MYRIP: variants seen among roughly 807,000 people sequenced by gnomAD.
MYRIP encodes the protein rab effector MyRIP.
In MYRIP, 49 loss-of-function variants were observed where a neutral mutation model predicts 98.0. That is an observed-to-expected ratio of 0.50 (90% CI 0.40 to 0.63). MYRIP has a LOEUF of 0.63. Among genes scored for constraint, MYRIP ranks in the 30% least tolerant of loss-of-function variants. The pLI is 0.00. For missense variants in MYRIP, 1,004 were observed against 1,058.2 expected, an observed-to-expected ratio of 0.95 and a Z score of 0.71; for synonymous variants, 404 against 409.5, an observed-to-expected ratio of 0.99 and a Z score of 0.16.
intron 3 of MYRIP, among the ~76,000 whole-genome samples, chr3:40,133,859 T>C (rs1331103058): frequency 6.6e-6 from 1 of 152,156 alleles, no homozygotes; most frequent in Non-Finnish European, 1.5e-5. Context: ...ATTCGACAAC[T>C]CTCATGGGCC....
chr3:40,071,782 A>T (rs1948237058), intron 3 of MYRIP, among the ~76,000 whole-genome samples: 1 of 152,216 alleles, frequency 6.6e-6, no homozygotes, highest in Admixed American at 6.5e-5. Context: ...GACATATAAA[A>T]GAGTTGTCTC....
At chr3:40,067,875 T>C (rs1948154012) in intron 3 of MYRIP, among the ~76,000 whole-genome samples, 1 of 152,212 alleles carries the variant, frequency 6.6e-6, no homozygotes, top group Non-Finnish European at 1.5e-5. Context: ...CTACGTGTTA[T>C]CATCCATATA....
chr3:40,209,782 G>C, intron 10 of MYRIP, 72 bp from the exon 11 acceptor site: 1 of 1,586,392 alleles, frequency 6.3e-7, no homozygotes, highest in Non-Finnish European at 8.6e-7. Flanking sequence ...TTTACTCAGG[G>C]GTTATTGGGA....
Position 40,071,385 on chromosome 3 carries a change from T to C in MYRIP, c.332+27114T>C, listed in dbSNP as rs117765393. ...GAGCTGAAAATGGGAGATGAGGAAA[T>C]GCAGTCTATCCTGATGGCTCTTCTC... On this transcript the variant is annotated intron_variant, in intron 3 of 16. Transcript: ENST00000302541. Among the ~76,000 whole-genome samples, 192 of 152,234 alleles carry C rather than the reference T, an allele frequency of 1.3e-3. 4 individuals carry two copies. In the East Asian group the frequency reaches 0.036, roughly 28 times the overall value.
chr3:40,036,536 A>C (rs1219372353), intron 2 of MYRIP, among the ~76,000 whole-genome samples: 5 of 152,074 alleles, frequency 3.3e-5, no homozygotes, highest in Non-Finnish European at 7.4e-5. Context: ...CTCTACAAAA[A>C]TCAATTTAAA....
At chr3:39,859,767 A>G (rs1167688168) in intron 1 of MYRIP, among the ~76,000 whole-genome samples, 4 of 152,266 alleles carry the variant, frequency 2.6e-5, no homozygotes, top group African/African-American at 9.6e-5. Flanking sequence ...ATGAAGAATC[A>G]TAAGATTATA....
At chr3:40,183,213 T>C (rs1950938524) in intron 9 of MYRIP, among the ~76,000 whole-genome samples, 1 of 152,118 alleles carries the variant, frequency 6.6e-6, no homozygotes, top group South Asian at 2.1e-4. Flanking sequence ...CCCGGAGAAA[T>C]GGCATCCTGG....
Position 39,933,194 on chromosome 3 carries a change from A to C in MYRIP, c.110+32268A>C, listed in dbSNP as rs188021968. Among the ~76,000 whole-genome samples, 3 of 152,322 alleles carry C rather than the reference A, an allele frequency of 2.0e-5. No individual in the cohort carries two copies. In the East Asian group the frequency reaches 5.8e-4, roughly 29 times the overall value. On this transcript the variant is annotated intron_variant, in intron 2 of 16. Transcript: ENST00000302541. ...TGACAAGATACATACTCATGGGCCA[A>C]ATCTGGACTACCACCTGTTTTTGTA... is the stretch of plus-strand genomic sequence containing the variant.
chr3:39,851,415 A>G (rs944215091), intron 1 of MYRIP, among the ~76,000 whole-genome samples: 11 of 151,852 alleles, frequency 7.2e-5, no homozygotes, highest in Non-Finnish European at 5.9e-5. Flanking sequence ...GGAAGTCACA[A>G]CTCCTGCTCC....
At chr3:40,026,951 G>T (rs1947144697) in intron 2 of MYRIP, among the ~76,000 whole-genome samples, 1 of 152,010 alleles carries the variant, frequency 6.6e-6, no homozygotes, top group Admixed American at 6.6e-5. Flanking sequence ...CCCCCTGGCT[G>T]CCCCATCCCT....
At chr3:40,112,856 C>G (rs373427606) in intron 3 of MYRIP, among the ~76,000 whole-genome samples, 4 of 152,312 alleles carry the variant, frequency 2.6e-5, no homozygotes, top group African/African-American at 9.6e-5. Flanking sequence ...ATTGTACAAG[C>G]CTGAGAGCAG....
intron 2 of MYRIP, among the ~76,000 whole-genome samples, chr3:39,996,978 A>G (rs1420816221): frequency 1.3e-5 from 2 of 152,192 alleles, no homozygotes; most frequent in African/African-American, 4.8e-5. Context: ...ATGTTCTTTG[A>G]AACCAACAAG....
At chr3:39,959,329 A>G (rs186207927) in intron 2 of MYRIP, among the ~76,000 whole-genome samples, 4,360 of 152,248 alleles carry the variant, frequency 0.029, 183 homozygotes, top group African/African-American at 0.099. Context: ...TACACCATGG[A>G]ATACTATGCA....
chr3:40,152,361 G>A (rs920376884), intron 4 of MYRIP, among the ~76,000 whole-genome samples: 1 of 152,032 alleles, frequency 6.6e-6, no homozygotes, highest in South Asian at 2.1e-4. Context: ...CCCTTTAAAT[G>A]TCACCAAATT....
intron 8 of MYRIP, among the ~76,000 whole-genome samples, chr3:40,181,767 C>T (rs1950887501): frequency 6.6e-6 from 1 of 151,958 alleles, no homozygotes; most frequent in African/African-American, 2.4e-5. Flanking sequence ...GTTTGTTTTC[C>T]TTCCTTTAAT....
intron 2 of MYRIP, among the ~76,000 whole-genome samples, chr3:39,982,752 C>T (rs573321531): frequency 1.9e-3 from 289 of 152,238 alleles, no homozygotes; most frequent in Non-Finnish European, 3.3e-3. Context: ...CTTAAATCAT[C>T]ATCCTAATTA....
intron 1 of MYRIP, among the ~76,000 whole-genome samples, chr3:39,888,786 A>C (rs1271743112): frequency 6.6e-6 from 1 of 152,242 alleles, no homozygotes; most frequent in African/African-American, 2.4e-5. Context: ...CTCATCTGAC[A>C]AAGGGTAATA....
Position 40,166,928 on chromosome 3 carries a change from A to G in MYRIP, c.633A>G (p.Ala211=). 2 of 1,613,810 alleles carry G rather than the reference A, an allele frequency of 1.2e-6. No homozygotes were observed. Among genetic ancestry groups the G allele is most frequent in the South Asian group, 2.2e-5 (2 of 91,062 alleles). Reference sequence around the variant, plus strand: ...AGGAAGCAATTTCCAAAGCAGAGGCATATGGGGACAGCCTGGTAGGGCCCC... The same window carrying G: ...AGGAAGCAATTTCCAAAGCAGAGGCGTATGGGGACAGCCTGGTAGGGCCCC... The part of the protein sequence containing the change: ...AIEEAISKAE[A]YGDSLDKQNE... The change falls in exon 6 of 17, where the codon GCA becomes GCG. Residue 211 remains alanine (A), a synonymous_variant. Coordinates refer to ENST00000302541, the MANE Select transcript of MYRIP (RefSeq NM_015460.4).
chr3:39,871,495 G>A (rs1287869222), intron 1 of MYRIP, among the ~76,000 whole-genome samples: 1 of 152,128 alleles, frequency 6.6e-6, no homozygotes, highest in Non-Finnish European at 1.5e-5. Flanking sequence ...ATAAATTCAG[G>A]AGCCAAACGT....
Sources: gnomAD v4.1 joint callset for allele counts (sites outside exome capture counted in the v4.1 genomes callset) on GRCh38, gnomAD v4.1.1 for gene constraint, MANE v1.5 for transcripts, NCBI Gene and HGNC (gene_info 2026-07-23, HGNC 2026-07-21) for gene names.